Variants in ZC3H12B observed in about 807,000 individuals in gnomAD.
ZC3H12B encodes probable ribonuclease ZC3H12B.
In ZC3H12B, 7 loss-of-function variants were observed where a neutral mutation model predicts 43.9. That is an observed-to-expected ratio of 0.16 (90% CI 0.09 to 0.30). The LOEUF is 0.30. Ranked by LOEUF, ZC3H12B falls within the 10% of genes least tolerant of loss-of-function variation. The pLI is 1.00. For synonymous variants in ZC3H12B, 222 were observed against 241.7 expected, an observed-to-expected ratio of 0.92 and a Z score of 0.76; for missense variants, 475 against 670.2, an observed-to-expected ratio of 0.71 and a Z score of 3.22.
chrX:65,269,503 T>G, the ZC3H12B span, among the ~76,000 whole-genome samples: 1 of 110,540 alleles, frequency 9.0e-6, no homozygotes, highest in Non-Finnish European at 1.9e-5. Context: ...AATTTTATTT[T>G]TATTATTATT....
At chrX:65,082,541 C>T in the ZC3H12B span, among the ~76,000 whole-genome samples, 1 of 111,061 alleles carries the variant, frequency 9.0e-6, no homozygotes, top group African/African-American at 3.3e-5. Flanking sequence ...TAGACACATA[C>T]AACTTATCCA....
chrX:65,075,481 C>G, the ZC3H12B span, among the ~76,000 whole-genome samples: 1 of 112,125 alleles, frequency 8.9e-6, no homozygotes. Flanking sequence ...CAGCATCCCC[C>G]AGACATCTAG....
chrX:65,392,393 A>C (rs954365109), intron 2 of ZC3H12B, among the ~76,000 whole-genome samples: 1 of 107,318 alleles, frequency 9.3e-6, no homozygotes, highest in Non-Finnish European at 1.9e-5. Flanking sequence ...CCATCTGGGA[A>C]CTGAGGAGCG....
chrX:65,241,426 C>T, the ZC3H12B span, among the ~76,000 whole-genome samples: 1 of 80,761 alleles, frequency 1.2e-5, no homozygotes, highest in Non-Finnish European at 2.4e-5. Flanking sequence ...GCCTAGTTGA[C>T]TGAACCACAA....
At chrX:65,202,094 T>TTAC in the ZC3H12B span, among the ~76,000 whole-genome samples, 3 of 94,736 alleles carry the variant, frequency 3.2e-5, no homozygotes, top group Non-Finnish European at 6.2e-5. Context: ...ATATGTAATA[T>TTAC]ATATATTTTA....
chrX:65,358,996 A>G, the ZC3H12B span, among the ~76,000 whole-genome samples: 2 of 111,417 alleles, frequency 1.8e-5, no homozygotes, highest in Admixed American at 1.9e-4. Context: ...GCCAGTGCTC[A>G]TTTTCCATTT....
At chrX:65,162,557 A>T in the ZC3H12B span, among the ~76,000 whole-genome samples, 2 of 111,732 alleles carry the variant, frequency 1.8e-5, no homozygotes, top group Admixed American at 1.9e-4. Flanking sequence ...AGTTGATCAC[A>T]TCGGCTCCTG....
chrX:65,310,703 A>C, the ZC3H12B span, among the ~76,000 whole-genome samples: 1 of 111,930 alleles, frequency 8.9e-6, no homozygotes, highest in African/African-American at 3.3e-5. Flanking sequence ...ATCCTAAGCC[A>C]AAAGAACAAA....
chrX:65,119,239 G>T, the ZC3H12B span, among the ~76,000 whole-genome samples: 1 of 111,301 alleles, frequency 9.0e-6, no homozygotes, highest in East Asian at 2.9e-4. Flanking sequence ...ACTTCCACAA[G>T]AGTTGAACTA....
chrX:65,361,905 C>T (rs1255552660), upstream of ZC3H12B, among the ~76,000 whole-genome samples: 1 of 112,360 alleles, frequency 8.9e-6, no homozygotes, highest in Non-Finnish European at 1.9e-5. Context: ...ACCCCAGCCA[C>T]ATCTCCAGCA....
At chrX:65,467,451 C>T (rs747636710) in intron 3 of ZC3H12B, among the ~76,000 whole-genome samples, 1 of 111,033 alleles carries the variant, frequency 9.0e-6, no homozygotes, top group South Asian at 3.8e-4. Flanking sequence ...GACTTATTTT[C>T]CTTTGGATAG....
chrX:65,103,354 T>G, the ZC3H12B span, among the ~76,000 whole-genome samples: 1 of 112,150 alleles, frequency 8.9e-6, no homozygotes, highest in Non-Finnish European at 1.9e-5. Context: ...TCAGACCTGA[T>G]GGTCAGCTCC....
At chrX:65,103,546 G>A in the ZC3H12B span, among the ~76,000 whole-genome samples, 2 of 112,012 alleles carry the variant, frequency 1.8e-5, no homozygotes, top group South Asian at 3.7e-4. Flanking sequence ...GTAAAGACAG[G>A]CCTAGGAAAT....
At chrX:65,164,267 G>A in the ZC3H12B span, among the ~76,000 whole-genome samples, 4 of 111,250 alleles carry the variant, frequency 3.6e-5, no homozygotes, top group Non-Finnish European at 7.5e-5. Flanking sequence ...ATGTCTTTTT[G>A]CACTGAGTCA....
chrX:65,378,069 C>T (rs1051310578), intron 2 of ZC3H12B, among the ~76,000 whole-genome samples: 9 of 109,576 alleles, frequency 8.2e-5, no homozygotes, highest in South Asian at 4.0e-4. Flanking sequence ...ACTGCACTCC[C>T]GCCTGGGTGA....
chrX:65,212,078 T>A, the ZC3H12B span, among the ~76,000 whole-genome samples: 1 of 61,594 alleles, frequency 1.6e-5, no homozygotes, highest in Non-Finnish European at 2.6e-5. Flanking sequence ...TAATATATAG[T>A]ATATATTGTA....
the ZC3H12B span, among the ~76,000 whole-genome samples, chrX:65,282,936 C>A: frequency 8.1e-5 from 9 of 111,439 alleles, no homozygotes; most frequent in Non-Finnish European, 1.5e-4. Context: ...CTATTCCAAT[C>A]AATAGAAAAA....
At chrX:65,287,022 G>A in the ZC3H12B span, among the ~76,000 whole-genome samples, 6 of 111,001 alleles carry the variant, frequency 5.4e-5, no homozygotes, top group South Asian at 3.8e-4. Context: ...CAACACCGGT[G>A]CACTCAGATT....
the ZC3H12B span, among the ~76,000 whole-genome samples, chrX:65,131,650 G>A: frequency 9.0e-6 from 1 of 111,683 alleles, no homozygotes; most frequent in Non-Finnish European, 1.9e-5. Flanking sequence ...GTAAAACTAG[G>A]TGTCCAAAGG....
Sources: allele counts gnomAD v4.1 joint callset (sites outside exome capture counted in the v4.1 genomes callset), GRCh38; gene constraint gnomAD v4.1.1; transcripts MANE v1.5; gene names NCBI Gene and HGNC (gene_info 2026-07-23, HGNC 2026-07-21).